PLS1: variants seen among roughly 807,000 people sequenced by gnomAD.
PLS1 encodes the protein plastin 1.
In PLS1, 32 loss-of-function variants were observed where a neutral mutation model predicts 73.7. The ratio of observed to expected loss-of-function variants is 0.43; its 90% CI spans 0.33 to 0.58. The LOEUF (loss-of-function observed/expected upper bound fraction) is 0.58. Ranked by LOEUF, PLS1 falls within the 20% of genes least tolerant of loss-of-function variation. The pLI, the probability that PLS1 is intolerant of heterozygous loss-of-function variation, is 0.04. For missense variants in PLS1, 633 were observed against 740.5 expected (o/e 0.85, Z 1.68); for synonymous variants, 217 against 261.3 (o/e 0.83, Z 1.63).
chr3:142,689,727 A>G lies in PLS1; in HGVS notation c.1091A>G (p.Asn364Ser), dbSNP rs2038049029. 5.0e-6 allele frequency: 8 copies of G among 1,611,468 alleles called. No homozygotes were observed. The highest frequency in any genetic ancestry group is 6.8e-6 in the Non-Finnish European group (8 of 1,178,622). Residue 364 changes from asparagine to serine, a missense_variant, in exon 10 of 16, where the codon AAT becomes AGT. By Grantham distance (46) the Asn-to-Ser change is conservative. Transcript: ENST00000457734. ...ADVVSGNPKL[N>S]LAFVANLFNT... Reference sequence around the variant, plus strand: ...GTGGTTTCAGGCAATCCTAAACTTAATTTAGCTTTTGTAGCTAATTTGTTT... The same window carrying G: ...GTGGTTTCAGGCAATCCTAAACTTAGTTTAGCTTTTGTAGCTAATTTGTTT...
rs115869899 is a variant in PLS1, at chr3:142,707,433, G to C, written c.1629+2847G>C. Among the ~76,000 whole-genome samples the C allele has an allele frequency of 3.4e-3, 523 of 152,242 alleles. 7 individuals carry two copies. Among genetic ancestry groups the C allele is most frequent in the African/African-American group, 0.011 (477 of 41,534 alleles). On this transcript the variant is annotated intron_variant, in intron 14 of 15. Transcript: ENST00000457734. ...ATAATTACCATTTATTGAGTCCTTC[G>C]TGTCACTATGTTAAGCACTTTACAC...
chr3:142,668,884 G>A (rs1370901700), intron 2 of PLS1, among the ~76,000 whole-genome samples: 1 of 151,998 alleles, frequency 6.6e-6, no homozygotes, highest in Non-Finnish European at 1.5e-5. Context: ...TTATAAGTGT[G>A]AGCCACTGCG....
At chr3:142,653,654 ATGCCTGGC>A (rs1228260971) in intron 1 of PLS1, among the ~76,000 whole-genome samples, 2 of 152,076 alleles carry the variant, frequency 1.3e-5, no homozygotes, top group African/African-American at 4.8e-5. Context: ...GTGAGCCACC[ATGCCTGGC>A]CCTAGCTCAG....
chr3:142,677,413 A>C (rs2037746057), intron 5 of PLS1, among the ~76,000 whole-genome samples: 1 of 152,204 alleles, frequency 6.6e-6, no homozygotes, highest in Admixed American at 6.6e-5. Context: ...TGAGAGGCTG[A>C]GGCAGGAGGA....
intron 9 of PLS1, 111 bp from the exon 10 acceptor site, chr3:142,689,507 G>C (rs2038044107): frequency 2.2e-6 from 1 of 457,238 alleles, no homozygotes; most frequent in African/African-American, 2.0e-5. Context: ...ATCTTATTTT[G>C]AGTTATTATT....
intron 1 of PLS1, chr3:142,645,719 C>A (rs1367297674): frequency 6.6e-6 from 1 of 152,120 alleles, no homozygotes; most frequent in Non-Finnish European, 1.5e-5. Flanking sequence ...TGAGCATAAT[C>A]TCTAATGTAT....
chr3:142,672,276 A>G (rs370628946), intron 4 of PLS1, among the ~76,000 whole-genome samples: 1 of 151,426 alleles, frequency 6.6e-6, no homozygotes, highest in East Asian at 1.9e-4. Flanking sequence ...ATTTGTCACC[A>G]TAAATTTTTG....
At chr3:142,629,086 C>G (rs1348720497) in intron 1 of PLS1, among the ~76,000 whole-genome samples, 1 of 152,168 alleles carries the variant, frequency 6.6e-6, no homozygotes, top group Non-Finnish European at 1.5e-5. Context: ...TAATATGTGC[C>G]TACTAGCTGA....
At chr3:142,635,527 T>C (rs1020436844) in intron 1 of PLS1, among the ~76,000 whole-genome samples, 2 of 151,964 alleles carry the variant, frequency 1.3e-5, no homozygotes, top group Non-Finnish European at 2.9e-5. Context: ...TGCTTGAACC[T>C]GGGAGGCGAA....
intron 1 of PLS1, among the ~76,000 whole-genome samples, chr3:142,635,722 G>C (rs2036670996): frequency 6.6e-6 from 1 of 152,096 alleles, no homozygotes; most frequent in Non-Finnish European, 1.5e-5. Flanking sequence ...AATCACAGAA[G>C]GCTATTTTAG....
At chr3:142,683,037 C>T (rs2037887682) in intron 6 of PLS1, among the ~76,000 whole-genome samples, 1 of 152,182 alleles carries the variant, frequency 6.6e-6, no homozygotes, top group South Asian at 2.1e-4. Context: ...AAAGATACAG[C>T]CATTTATTTA....
At chr3:142,613,075 T>G (rs2036152504) in intron 1 of PLS1, among the ~76,000 whole-genome samples, 1 of 152,174 alleles carries the variant, frequency 6.6e-6, no homozygotes, top group African/African-American at 2.4e-5. Flanking sequence ...CAATTTTCAG[T>G]CTGTTTTATG....
intron 12 of PLS1, among the ~76,000 whole-genome samples, chr3:142,701,675 G>C (rs2038334802): frequency 6.6e-6 from 1 of 152,058 alleles, no homozygotes; most frequent in Non-Finnish European, 1.5e-5. Context: ...TTTCAATGCT[G>C]GTCCTATCAA....
intron 15 of PLS1, 68 bp from the exon 16 acceptor site, chr3:142,711,804 C>G: frequency 6.5e-6 from 10 of 1,529,162 alleles, no homozygotes; most frequent in Non-Finnish European, 8.1e-6. Context: ...ATATTTCACT[C>G]TTTTGTTAAA....
chr3:142,663,387 G>C (rs115630831), intron 1 of PLS1, among the ~76,000 whole-genome samples: 1 of 152,046 alleles, frequency 6.6e-6, no homozygotes, highest in Non-Finnish European at 1.5e-5. Context: ...CTATAGCCCA[G>C]TTTTACATAA....
At chr3:142,692,496 A>G (rs2107918497) in intron 10 of PLS1, among the ~76,000 whole-genome samples, 1 of 152,274 alleles carries the variant, frequency 6.6e-6, no homozygotes. Context: ...TAGTGCCTCT[A>G]GCTTTGAGCA....
At chr3:142,646,571 G>A (rs998503576) in intron 1 of PLS1, among the ~76,000 whole-genome samples, 1 of 152,246 alleles carries the variant, frequency 6.6e-6, no homozygotes, top group African/African-American at 2.4e-5. Flanking sequence ...TGGGCATGTT[G>A]CTGAAGCTCT....
intron 1 of PLS1, among the ~76,000 whole-genome samples, chr3:142,625,156 A>G (rs1326691160): frequency 3.3e-5 from 5 of 152,156 alleles, no homozygotes; most frequent in African/African-American, 1.2e-4. Flanking sequence ...TACGAGCTCA[A>G]AGAGAATAGA....
intron 1 of PLS1, among the ~76,000 whole-genome samples, chr3:142,661,110 C>T (rs1339524933): frequency 6.6e-6 from 1 of 152,098 alleles, no homozygotes; most frequent in African/African-American, 2.4e-5. Context: ...AAGCCAGCCA[C>T]ACCACAAGTA....
Sources: allele counts gnomAD v4.1 joint callset (sites outside exome capture counted in the v4.1 genomes callset), GRCh38; gene constraint gnomAD v4.1.1; transcripts MANE v1.5; gene names NCBI Gene and HGNC (gene_info 2026-07-23, HGNC 2026-07-21).